The following PDS5A variants were observed in gnomAD, a reference collection of about 807,000 sequenced individuals.
The protein encoded by PDS5A is sister chromatid cohesion protein PDS5 homolog A.
A neutral mutation model predicts 167.1 loss-of-function variants in PDS5A; 42 were observed. The ratio of observed to expected loss-of-function variants is 0.25; its 90% CI spans 0.20 to 0.33. The LOEUF (loss-of-function observed/expected upper bound fraction) is 0.33, where lower values mean the gene tolerates loss of function less well. PDS5A is among the 10% of genes least tolerant of loss of function. The probability of loss-of-function intolerance (pLI) is 1.00; values close to 1 mark genes in which losing one functional copy is unlikely to be tolerated. For missense variants in PDS5A, 1,033 were observed against 1,605.9 expected, an observed-to-expected ratio of 0.64 and a Z score of 6.10; for synonymous variants, 553 against 554.6, an observed-to-expected ratio of 1.00 and a Z score of 0.04.
chr4:39,859,280 AAAAC>A (rs1250848569), intron 26 of PDS5A, among the ~76,000 whole-genome samples: 1 of 152,156 alleles, frequency 6.6e-6, no homozygotes, highest in African/African-American at 2.4e-5. Context: ...AAAACTTAAA[AAAAC>A]AAACAAACAA....
intron 2 of PDS5A, among the ~76,000 whole-genome samples, chr4:39,944,707 A>AC (rs1045295946): frequency 2.0e-5 from 3 of 151,818 alleles, no homozygotes; most frequent in African/African-American, 4.8e-5. Context: ...AAAAAAAAAA[A>AC]AAAACAAAAA....
intron 8 of PDS5A, among the ~76,000 whole-genome samples, chr4:39,915,903 A>G (rs1724331820): frequency 1.3e-5 from 2 of 152,212 alleles, no homozygotes; most frequent in Admixed American, 6.5e-5. Context: ...AAGTAAAACT[A>G]ACTGAAAACT....
At chr4:39,930,246 A>AAAAAAT in intron 2 of PDS5A, among the ~76,000 whole-genome samples, 3 of 93,164 alleles carry the variant, frequency 3.2e-5, no homozygotes, top group African/African-American at 7.4e-5. Flanking sequence ...AAAAAAAAAA[A>AAAAAAT]GTTTTTTTGT....
At chr4:39,884,690 T>C (rs1484126038) in intron 17 of PDS5A, among the ~76,000 whole-genome samples, 1 of 152,226 alleles carries the variant, frequency 6.6e-6, no homozygotes, top group East Asian at 1.9e-4. Context: ...TGCTTTTGAC[T>C]ATGTCTGCTC....
At chr4:39,935,136 TTGATTGAC>T (rs543446593) in intron 2 of PDS5A, among the ~76,000 whole-genome samples, 4 of 152,358 alleles carry the variant, frequency 2.6e-5, no homozygotes, top group South Asian at 4.1e-4. Flanking sequence ...GATTGATTGA[TTGATTGAC>T]TGATTGGGAC....
At chr4:39,842,546 A>G (rs980987868) in intron 30 of PDS5A, among the ~76,000 whole-genome samples, 6 of 152,294 alleles carry the variant, frequency 3.9e-5, no homozygotes, top group Admixed American at 3.9e-4. Flanking sequence ...TTTTTGCTAA[A>G]AGTGGTTTAA....
chr4:39,915,193 C>G (rs1388910926), intron 8 of PDS5A, among the ~76,000 whole-genome samples: 1 of 151,116 alleles, frequency 6.6e-6, no homozygotes, highest in Non-Finnish European at 1.5e-5. Context: ...TGTGCATCAC[C>G]ACACCTGGCT....
At chr4:39,923,105 G>C (rs569996786) in intron 5 of PDS5A, among the ~76,000 whole-genome samples, 1 of 152,102 alleles carries the variant, frequency 6.6e-6, no homozygotes, top group South Asian at 2.1e-4. Context: ...GAGGCAGGTG[G>C]ATCACCTGAC....
At chr4:39,905,104 G>GTGGGATAATC (rs1723219282) in intron 11 of PDS5A, among the ~76,000 whole-genome samples, 1 of 152,096 alleles carries the variant, frequency 6.6e-6, no homozygotes, top group Non-Finnish European at 1.5e-5. Flanking sequence ...TTGGGGAACT[G>GTGGGATAATC]ACTACCCAGT....
At chr4:39,931,445 T>C (rs1229809102) in intron 2 of PDS5A, among the ~76,000 whole-genome samples, 1 of 152,168 alleles carries the variant, frequency 6.6e-6, no homozygotes, top group Admixed American at 6.5e-5. Context: ...GCCTGGAATC[T>C]CTCAAGAGGC....
intron 2 of PDS5A, among the ~76,000 whole-genome samples, chr4:39,970,231 A>G (rs1186217772): frequency 6.6e-6 from 1 of 151,972 alleles, no homozygotes; most frequent in African/African-American, 2.4e-5. Flanking sequence ...AATGTAAGGA[A>G]CCTGTCTAGA....
chr4:39,943,098 T>G lies in PDS5A; in HGVS notation c.139-14934A>C, dbSNP rs117322730. Among the ~76,000 whole-genome samples the G allele has an allele frequency of 4.0e-3, 591 of 149,290 alleles. 37 individuals carry two copies. In the East Asian group the frequency reaches 0.1, roughly 26 times the overall value. ...CTGAGAACAGAAATGCCTCCAAAATTTGCATTTGGCAAAAACTATGCAAAT... is the reference window on the plus strand; with the variant it reads ...CTGAGAACAGAAATGCCTCCAAAATGTGCATTTGGCAAAAACTATGCAAAT... On this transcript the variant is annotated intron_variant, in intron 2 of 32. Coordinates refer to ENST00000303538, the MANE Select transcript of PDS5A (RefSeq NM_001100399.2).
At chr4:39,836,356 G>A (rs1207152628) in intron 32 of PDS5A, among the ~76,000 whole-genome samples, 6 of 152,196 alleles carry the variant, frequency 3.9e-5, no homozygotes, top group Admixed American at 1.3e-4. Flanking sequence ...TGCCATGAGA[G>A]GATGTGAAAG....
intron 2 of PDS5A, among the ~76,000 whole-genome samples, chr4:39,974,874 GC>G (rs1730929961): frequency 6.6e-6 from 1 of 152,158 alleles, no homozygotes; most frequent in Non-Finnish European, 1.5e-5. Context: ...ATATTGGGAG[GC>G]CGATGCAGGC....
intron 2 of PDS5A, among the ~76,000 whole-genome samples, chr4:39,946,690 G>A (rs75304174): frequency 0.025 from 3,736 of 152,178 alleles, 151 homozygotes; most frequent in East Asian, 0.18. Flanking sequence ...CAAGACAAGC[G>A]GATCACTTGA....
chr4:39,977,264 T>C lies in PDS5A; in HGVS notation c.-41+193A>G, dbSNP rs1263105575. ...CCTCCGCACTTCACATTTTGTTCCT[T>C]CAACTTCGGCTGAGGGACCCCAGCT... On this transcript the variant is annotated intron_variant, in intron 1 of 32. Coordinates refer to ENST00000303538, the MANE Select transcript of PDS5A (RefSeq NM_001100399.2). This position sits in a 1 kb window ranked among gnomAD's most constrained non-coding sequence, Gnocchi z 4.2. 6.6e-6 allele frequency among the ~76,000 whole-genome samples: 1 copy of C among 151,900 alleles called. No individual in the cohort carries two copies. The highest frequency in any genetic ancestry group is 1.5e-5 in the Non-Finnish European group (1 of 67,958).
rs563638933 is a variant in PDS5A at position 39,977,559 on chromosome 4, CCCGCCGCCG to C, written c.-152_-144del. 51 of 159,802 alleles carry C rather than the reference CCCGCCGCCG, an allele frequency of 3.2e-4. No individual in the cohort carries two copies. The highest frequency in any genetic ancestry group is 2.4e-3 in the South Asian group (14 of 5,784). 9.9% of individuals were successfully genotyped at this position (159,802 alleles called of 1,614,324 possible). On this transcript the variant is annotated 5_prime_UTR_variant, in exon 1 of 33. Transcript: ENST00000303538. The surrounding 1 kb of genome is among the most constrained non-coding windows in gnomAD (Gnocchi z 4.2). ...CTGCACACAAAGCGGCTCCGCGGGTCCCGCCGCCGCCGCCGCCGCCGCCCGCCCGCCCGG... is the reference window on the plus strand; with the variant it reads ...CTGCACACAAAGCGGCTCCGCGGGTCCCGCCGCCGCCGCCCGCCCGCCCGG...
chr4:39,878,640 T>A, intron 18 of PDS5A, among the ~76,000 whole-genome samples: 1 of 152,146 alleles, frequency 6.6e-6, no homozygotes, highest in Non-Finnish European at 1.5e-5. Flanking sequence ...AAATGTTACC[T>A]TAAAGGTGGT....
At chr4:39,928,864 C>A (rs1327804912) in intron 2 of PDS5A, among the ~76,000 whole-genome samples, 1 of 148,696 alleles carries the variant, frequency 6.7e-6, no homozygotes, top group African/African-American at 2.5e-5. Context: ...TATATTAATG[C>A]AGTTGTATTT....
Sources: allele counts gnomAD v4.1 joint callset (sites outside exome capture counted in the v4.1 genomes callset), GRCh38; gene constraint gnomAD v4.1.1; non-coding constraint Gnocchi (gnomAD v3.1); transcripts MANE v1.5; gene names NCBI Gene and HGNC (gene_info 2026-07-23, HGNC 2026-07-21).